The following SNX18 variants were observed in gnomAD, a reference collection of about 807,000 sequenced individuals.
SNX18 encodes sorting nexin 18, also known as sorting nexin-18.
Under a neutral mutation model 48.7 loss-of-function variants are expected in SNX18, and 35 were observed. The observed-to-expected ratio is 0.72, with a 90% CI of 0.55 to 0.95. SNX18 has a LOEUF of 0.95. Ranked by LOEUF, SNX18 falls within the 40% of genes least tolerant of loss-of-function variation. The pLI is 0.00. For missense variants in SNX18, 824 were observed against 871.0 expected, an observed-to-expected ratio of 0.95 and a Z score of 0.68; for synonymous variants, 492 against 384.7, an observed-to-expected ratio of 1.28 and a Z score of -3.26.
chr5:54,593,390 G>T, the SNX18 span, among the ~76,000 whole-genome samples: 1 of 152,134 alleles, frequency 6.6e-6, no homozygotes, highest in Non-Finnish European at 1.5e-5. Flanking sequence ...AATAGAGTCT[G>T]GGCCTTAATA....
At chr5:54,525,763 T>A (rs565624809) in intron 1 of SNX18, among the ~76,000 whole-genome samples, 252 of 152,318 alleles carry the variant, frequency 1.7e-3, no homozygotes, top group African/African-American at 5.7e-3. Context: ...ATTTTGTTAG[T>A]TGACTTTTTT....
chr5:54,581,705 A>G, the SNX18 span, among the ~76,000 whole-genome samples: 1 of 152,198 alleles, frequency 6.6e-6, no homozygotes, highest in Non-Finnish European at 1.5e-5. Flanking sequence ...CTTGCTGGAA[A>G]CTGATTAGTT....
At chr5:54,591,261 C>T in the SNX18 span, among the ~76,000 whole-genome samples, 1 of 152,006 alleles carries the variant, frequency 6.6e-6, no homozygotes, top group South Asian at 2.1e-4. Flanking sequence ...TTCATTACAG[C>T]CTCAACCTCC....
the SNX18 span, among the ~76,000 whole-genome samples, chr5:54,617,630 T>C: frequency 6.6e-6 from 1 of 152,346 alleles, no homozygotes; most frequent in East Asian, 1.9e-4. Context: ...GATTAGGAGA[T>C]ACACCACAAA....
At chr5:54,526,353 C>A (rs888260524) in intron 1 of SNX18, among the ~76,000 whole-genome samples, 1 of 152,074 alleles carries the variant, frequency 6.6e-6, no homozygotes, top group Non-Finnish European at 1.5e-5. Flanking sequence ...AGCAATCTAC[C>A]CACCTTGGCC....
the SNX18 span, among the ~76,000 whole-genome samples, chr5:54,623,388 T>G: frequency 6.6e-6 from 1 of 152,010 alleles, no homozygotes; most frequent in Non-Finnish European, 1.5e-5. Context: ...CTTCAAGAGC[T>G]CAATGGCAGG....
intron 1 of SNX18, among the ~76,000 whole-genome samples, chr5:54,536,312 T>C (rs1052654069): frequency 6.6e-5 from 10 of 152,194 alleles, no homozygotes; most frequent in African/African-American, 1.4e-4. Flanking sequence ...ACATGCGCCA[T>C]GTTGGTGTGC....
chr5:54,574,028 C>T, the SNX18 span, among the ~76,000 whole-genome samples: 1 of 152,166 alleles, frequency 6.6e-6, no homozygotes, highest in Non-Finnish European at 1.5e-5. Flanking sequence ...AATCATTTTC[C>T]CATGAATCTA....
At chr5:54,554,592 T>TA in the SNX18 span, among the ~76,000 whole-genome samples, 2 of 152,262 alleles carry the variant, frequency 1.3e-5, no homozygotes, top group African/African-American at 4.8e-5. Flanking sequence ...ACACATGGCC[T>TA]GTAATGAACT....
chr5:54,522,994 T>A (rs1243954147), intron 1 of SNX18, among the ~76,000 whole-genome samples: 1 of 152,210 alleles, frequency 6.6e-6, no homozygotes, highest in Non-Finnish European at 1.5e-5. Flanking sequence ...GGTAGTTTGC[T>A]GTAGTCTGCG....
chr5:54,532,870 A>G (rs1195118968), intron 1 of SNX18, among the ~76,000 whole-genome samples: 3 of 152,238 alleles, frequency 2.0e-5, no homozygotes, highest in Non-Finnish European at 4.4e-5. Flanking sequence ...CTATATATGC[A>G]TAGTAACTAA....
At chr5:54,633,063 G>A in the SNX18 span, among the ~76,000 whole-genome samples, 3 of 151,968 alleles carry the variant, frequency 2.0e-5, no homozygotes, top group African/African-American at 4.8e-5. Flanking sequence ...GAGCCACTGC[G>A]CCCGGCCCAG....
chr5:54,577,277 T>A, the SNX18 span, among the ~76,000 whole-genome samples: 2 of 152,106 alleles, frequency 1.3e-5, no homozygotes, highest in African/African-American at 4.8e-5. Flanking sequence ...CAGGAATATG[T>A]CATAGGAGTA....
the SNX18 span, among the ~76,000 whole-genome samples, chr5:54,607,249 A>G: frequency 6.6e-6 from 1 of 152,140 alleles, no homozygotes; most frequent in Non-Finnish European, 1.5e-5. Context: ...GATTCCAACC[A>G]TGTGGGCCCC....
the SNX18 span, among the ~76,000 whole-genome samples, chr5:54,639,484 A>T: frequency 2.0e-5 from 3 of 152,228 alleles, no homozygotes; most frequent in Non-Finnish European, 2.9e-5. Flanking sequence ...TGCCAAAATA[A>T]TATTATCTAA....
At chr5:54,625,081 A>C in the SNX18 span, among the ~76,000 whole-genome samples, 2 of 152,180 alleles carry the variant, frequency 1.3e-5, no homozygotes, top group Non-Finnish European at 2.9e-5. Context: ...GGGATGTTAT[A>C]ATGAATATGT....
At chr5:54,593,335 A>T in the SNX18 span, among the ~76,000 whole-genome samples, 15 of 152,234 alleles carry the variant, frequency 9.9e-5, no homozygotes, top group Non-Finnish European at 2.1e-4. Flanking sequence ...GTCTTTCTTG[A>T]CTGATCCTGG....
the SNX18 span, among the ~76,000 whole-genome samples, chr5:54,619,830 G>GC: frequency 6.6e-6 from 1 of 152,030 alleles, no homozygotes; most frequent in African/African-American, 2.4e-5. Context: ...AAGCAACAAG[G>GC]CAAGTGGTTA....
chr5:54,521,347 A>C (rs1762029666), intron 1 of SNX18, among the ~76,000 whole-genome samples: 1 of 152,198 alleles, frequency 6.6e-6, no homozygotes, highest in Non-Finnish European at 1.5e-5. Flanking sequence ...ATATATTAGA[A>C]AAGGTATGGT....
Sources: gnomAD v4.1 joint callset for allele counts (sites outside exome capture counted in the v4.1 genomes callset) on GRCh38, gnomAD v4.1.1 for gene constraint, MANE v1.5 for transcripts, NCBI Gene and HGNC (gene_info 2026-07-23, HGNC 2026-07-21) for gene names.